Variants in ANKRD30A observed in about 807,000 individuals in gnomAD.
ANKRD30A encodes the protein ankyrin repeat domain-containing protein 30A.
ANKRD30A carries 170 observed loss-of-function variants against 166.3 expected under a neutral mutation model. The ratio of observed to expected loss-of-function variants is 1.02; its 90% CI spans 0.90 to 1.16. ANKRD30A has a LOEUF of 1.16. ANKRD30A is among the 50% of genes most tolerant of loss of function. ANKRD30A has a pLI of 0.00. For synonymous variants in ANKRD30A, 564 were observed against 508.9 expected (o/e 1.11, Z -1.46); for missense variants, 1,630 against 1,518.0 (o/e 1.07, Z -1.23).
the ANKRD30A span, among the ~76,000 whole-genome samples, chr10:37,254,137 G>A: frequency 3.9e-5 from 6 of 152,112 alleles, no homozygotes; most frequent in African/African-American, 1.4e-4. Flanking sequence ...TATTATTTTA[G>A]GCTATTATTA....
the ANKRD30A span, among the ~76,000 whole-genome samples, chr10:37,248,825 G>A: frequency 6.5e-4 from 99 of 152,118 alleles, no homozygotes; most frequent in Middle Eastern, 3.4e-3. Flanking sequence ...ACTGCAGAGG[G>A]GTCTGTCACA....
chr10:37,194,243 CTA>C (rs1296713554), intron 27 of ANKRD30A, among the ~76,000 whole-genome samples: 2 of 152,044 alleles, frequency 1.3e-5, no homozygotes, highest in African/African-American at 4.8e-5. Flanking sequence ...TGGTTATAGA[CTA>C]TGTGTAGAAT....
chr10:37,218,847 T>A (rs1456686379), intron 33 of ANKRD30A, 133 bp from the exon 34 acceptor site: 1 of 594,866 alleles, frequency 1.7e-6, no homozygotes, highest in Admixed American at 3.4e-5. Context: ...TTTGATTCAG[T>A]GGTTCTTCAA....
At chr10:37,241,927 C>T in the ANKRD30A span, 6 of 152,174 alleles carry the variant, frequency 3.9e-5, no homozygotes, top group Admixed American at 1.3e-4. Context: ...GACGCTCTAC[C>T]GTGATTTCTG....
At chr10:37,190,215 C>A (rs1269907388) in intron 25 of ANKRD30A, among the ~76,000 whole-genome samples, 1 of 151,832 alleles carries the variant, frequency 6.6e-6, no homozygotes, top group Non-Finnish European at 1.5e-5. Context: ...ACCTTGTTAA[C>A]AATTCACACT....
At chr10:37,158,348 T>C (rs1380928164) in intron 13 of ANKRD30A, 44 bp from the exon 14 acceptor site, 5 of 1,590,764 alleles carry the variant, frequency 3.1e-6, no homozygotes, top group African/African-American at 1.4e-5. Context: ...GTAGGCTTTG[T>C]CAGGCTTGCA....
At position 37,153,768 on chromosome 10, in the gene ANKRD30A, C is replaced by G. The variant is rs1838146482; in HGVS notation, c.1798+106C>G. 11 of 1,479,440 alleles carry G rather than the reference C, an allele frequency of 7.4e-6. No homozygotes were observed. In the South Asian group the frequency reaches 1.4e-4, roughly 18 times the overall value. 91.6% of individuals were successfully genotyped at this position (1,479,440 alleles called of 1,614,324 possible). A position where few individuals can be genotyped will look rare whatever the true frequency, so the allele number is the denominator to read the frequency against. On this transcript the variant is annotated intron_variant, in intron 13 of 35. Coordinates refer to ENST00000361713, the MANE Select transcript of ANKRD30A (RefSeq NM_052997.3). ...AAGAAAATTACCTCCTAAATGCAAACCATGGAAAAAAAGAGAAGTGCAATG... is the reference window on the plus strand; with the variant it reads ...AAGAAAATTACCTCCTAAATGCAAAGCATGGAAAAAAAGAGAAGTGCAATG...
chr10:37,234,157 A>G (rs1176145847), downstream of ANKRD30A, among the ~76,000 whole-genome samples: 1 of 152,204 alleles, frequency 6.6e-6, no homozygotes, highest in African/African-American at 2.4e-5. Context: ...TCACCAACAC[A>G]TGAAGTTTAG....
Position 37,165,156 on chromosome 10 carries a change from G to A in ANKRD30A, c.2064+1G>A. 1 of 1,605,434 alleles carries A rather than the reference G, an allele frequency of 6.2e-7. No individual in the cohort carries two copies. The highest frequency in any genetic ancestry group is 2.2e-5 in the East Asian group (1 of 44,692). The stretch of plus-strand genomic sequence containing the variant: ...TGAAGAAAATTCTTGGGATACTGAG[G>A]TACTGTGTGTTGTTGATTTTTTTAA... On this transcript the variant is annotated splice_donor_variant, in intron 18 of 35. Transcript: ENST00000361713. LOFTEE classifies it high-confidence loss of function.
the ANKRD30A span, among the ~76,000 whole-genome samples, chr10:37,240,415 T>A: frequency 2.5e-4 from 38 of 152,280 alleles, no homozygotes; most frequent in Non-Finnish European, 1.0e-4. Context: ...TCATAGTTCA[T>A]AAGCAGTCAC....
chr10:37,224,506 CAT>C (rs923275743), intron 34 of ANKRD30A, among the ~76,000 whole-genome samples: 6 of 150,068 alleles, frequency 4.0e-5, no homozygotes, highest in East Asian at 2.0e-4. Context: ...TATGTATATA[CAT>C]ATATATGTTA....
Position 37,125,815 on chromosome 10 carries a change from A to C in ANKRD30A, c.28A>C (p.Lys10Gln). The C allele has an allele frequency of 1.3e-6, 1 of 798,108 alleles. No homozygotes were observed. Among genetic ancestry groups the C allele is most frequent in the Non-Finnish European group, 2.0e-6 (1 of 489,544 alleles). The allele number at this position is 798,108 out of a possible 1,614,324, so 49.4% of individuals were successfully genotyped here. Residue 10 changes from lysine (K) to glutamine (Q), a missense_variant, in exon 1 of 36, where the codon AAG becomes CAG. This residue lies in a region of ANKRD30A where 904 missense variants were observed against 818.5 expected (regional missense o/e 1.10). Coordinates refer to ENST00000361713, the MANE Select transcript of ANKRD30A (RefSeq NM_052997.3). MEEISAAAV[K>Q]VVPGPERPSP... ...GGAGGAGATCTCTGCCGCCGCTGTCAAGGTCGTGCCGGGCCCGGAGCGCCC... is the reference window on the plus strand; with the variant it reads ...GGAGGAGATCTCTGCCGCCGCTGTCCAGGTCGTGCCGGGCCCGGAGCGCCC...
rs71489115 is a variant in ANKRD30A at position 37,190,404 on chromosome 10, G to C, written c.2512+847G>C. Among the ~76,000 whole-genome samples, 129 of 151,796 alleles carry C rather than the reference G, an allele frequency of 8.5e-4. 2 individuals are homozygous for C. The South Asian group carries it at 0.017, about 20-fold the overall frequency. The stretch of plus-strand genomic sequence containing the variant: ...AAAGGTCAGGAGAAAGCATCATGGT[G>C]CTCTTAATTTTGAGGATGTTTTTAG... On this transcript the variant is annotated intron_variant, in intron 25 of 35. Transcript: ENST00000361713.
chr10:37,158,247 A>G (rs1014425833), intron 13 of ANKRD30A, 145 bp from the exon 14 acceptor site: 59 of 1,380,828 alleles, frequency 4.3e-5, no homozygotes, highest in Non-Finnish European at 5.3e-5. Context: ...TAACAAATAC[A>G]ATAACCCAAA....
At chr10:37,243,669 A>C in the ANKRD30A span, among the ~76,000 whole-genome samples, 1 of 152,242 alleles carries the variant, frequency 6.6e-6, no homozygotes, top group East Asian at 1.9e-4. Context: ...CCATAGGCTA[A>C]CTGACATAAA....
chr10:37,228,172 G>A (rs1843249138), intron 34 of ANKRD30A, among the ~76,000 whole-genome samples: 2 of 151,938 alleles, frequency 1.3e-5, no homozygotes, highest in South Asian at 4.1e-4. Flanking sequence ...TAAAAAATCA[G>A]GTTATGTTTA....
chr10:37,126,088 G>C, intron 1 of ANKRD30A, 80 bp downstream of exon 1: 1 of 1,479,558 alleles, frequency 6.8e-7, no homozygotes, highest in Non-Finnish European at 9.4e-7. Context: ...TCGGGGGCTG[G>C]GGGGCCTGGG....
intron 31 of ANKRD30A, among the ~76,000 whole-genome samples, chr10:37,214,746 T>C (rs1842516158): frequency 6.6e-6 from 1 of 151,418 alleles, no homozygotes; most frequent in Non-Finnish European, 1.5e-5. Context: ...TATTATATCA[T>C]ATCATAGATG....
chr10:37,151,178 CT>C (rs950456973), intron 11 of ANKRD30A, among the ~76,000 whole-genome samples: 3 of 152,138 alleles, frequency 2.0e-5, no homozygotes, highest in Non-Finnish European at 2.9e-5. Context: ...TGCATGTTTG[CT>C]TTTTTTCCTC....
Sources: allele counts gnomAD v4.1 joint callset (sites outside exome capture counted in the v4.1 genomes callset), GRCh38; gene constraint gnomAD v4.1.1; regional missense constraint gnomAD v4.1.1; transcripts MANE v1.5; gene names NCBI Gene and HGNC (gene_info 2026-07-23, HGNC 2026-07-21).